Variants in HS3ST3A1 observed in about 807,000 individuals in gnomAD.
HS3ST3A1 encodes heparan sulfate-glucosamine 3-sulfotransferase 3A1, also known as heparan sulfate glucosamine 3-O-sulfotransferase 3A1.
HS3ST3A1 carries 19 observed loss-of-function variants against 25.7 expected under a neutral mutation model. The observed-to-expected ratio is 0.74, with a 90% confidence interval of 0.52 to 1.08. The LOEUF is 1.08. Among genes scored for constraint, HS3ST3A1 ranks in the 50% least tolerant of loss-of-function variants. The pLI, the probability that HS3ST3A1 is intolerant of heterozygous loss-of-function variation, is 0.00. For missense variants in HS3ST3A1, 459 were observed against 594.3 expected, an observed-to-expected ratio of 0.77 and a Z score of 2.37; for synonymous variants, 226 against 278.6, an observed-to-expected ratio of 0.81 and a Z score of 1.88.
rs148832143 is a variant in HS3ST3A1, at chr17:13,577,176, C to A, written c.599+23355G>T. Among the ~76,000 whole-genome samples, 47 of 152,262 alleles carry A rather than the reference C, an allele frequency of 3.1e-4. No homozygotes were observed. The East Asian group carries it at 8.5e-3, about 28-fold the overall frequency. On this transcript the variant is annotated intron_variant, in intron 1 of 1. Coordinates refer to ENST00000284110, the MANE Select transcript of HS3ST3A1 (RefSeq NM_006042.3). ...ACCCCCATGATTCAATTACCTTCCA[C>A]CAGGTCCCTTCCATGACACATGGAA... is the stretch of plus-strand genomic sequence containing the variant.
chr17:13,509,278 A>T (rs1384700714), intron 1 of HS3ST3A1, among the ~76,000 whole-genome samples: 2 of 152,226 alleles, frequency 1.3e-5, no homozygotes, highest in Non-Finnish European at 2.9e-5. Context: ...ACATTTTCAG[A>T]TATGCAATGG....
intron 1 of HS3ST3A1, among the ~76,000 whole-genome samples, chr17:13,508,411 C>A (rs1905756404): frequency 6.6e-6 from 1 of 152,186 alleles, no homozygotes; most frequent in South Asian, 2.1e-4. Context: ...AAGAGTCCTC[C>A]TGGAAGACAA....
At chr17:13,581,658 T>C (rs988916053) in intron 1 of HS3ST3A1, among the ~76,000 whole-genome samples, 2 of 152,166 alleles carry the variant, frequency 1.3e-5, no homozygotes, top group African/African-American at 4.8e-5. Flanking sequence ...ATAAATATTT[T>C]TACCATCCAA....
intron 1 of HS3ST3A1, among the ~76,000 whole-genome samples, chr17:13,561,785 C>T (rs968473690): frequency 3.9e-5 from 6 of 152,122 alleles, no homozygotes; most frequent in Admixed American, 3.9e-4. Context: ...GGACGCCACA[C>T]CCAACTGCAG....
chr17:13,496,169 A>ATTTT lies in HS3ST3A1; in HGVS notation c.*24_*27dup, dbSNP rs67951062. 127 of 1,451,776 alleles carry ATTTT rather than the reference A, an allele frequency of 8.7e-5. No homozygotes were observed. The highest frequency in any genetic ancestry group is 3.8e-4 in the Middle Eastern group (2 of 5,218). 89.9% of individuals were successfully genotyped at this position (1,451,776 alleles called of 1,614,324 possible). On this transcript the variant is annotated 3_prime_UTR_variant, in exon 2 of 2. Coordinates refer to ENST00000284110, the MANE Select transcript of HS3ST3A1 (RefSeq NM_006042.3). Reference sequence around the variant, plus strand: ...TGGTAAAAAAATATATTATATTTTGATTTTTTTTTTCTTTTTAAATTATAT... The same window carrying ATTTT: ...TGGTAAAAAAATATATTATATTTTGATTTTTTTTTTTTTTCTTTTTAAATTATAT...
chr17:13,590,169 T>A (rs1394834043), intron 1 of HS3ST3A1, among the ~76,000 whole-genome samples: 1 of 152,140 alleles, frequency 6.6e-6, no homozygotes, highest in African/African-American at 2.4e-5. Flanking sequence ...ACAAATTATT[T>A]CCAAGGACCC....
intron 1 of HS3ST3A1, among the ~76,000 whole-genome samples, chr17:13,553,584 A>G (rs556235929): frequency 6.6e-6 from 1 of 152,320 alleles, no homozygotes; most frequent in South Asian, 2.1e-4. Flanking sequence ...CAAATTCTGA[A>G]CAGCAGTTCA....
chr17:13,521,955 C>T (rs114307084), intron 1 of HS3ST3A1, among the ~76,000 whole-genome samples: 1 of 152,224 alleles, frequency 6.6e-6, no homozygotes, highest in African/African-American at 2.4e-5. Context: ...GTAGCAACCT[C>T]CCTTCCCTCC....
intron 1 of HS3ST3A1, among the ~76,000 whole-genome samples, chr17:13,504,315 T>TCAAACAAA (rs148353655): frequency 1.2e-3 from 177 of 151,592 alleles, no homozygotes; most frequent in African/African-American, 3.7e-3. Flanking sequence ...AGACTCCATC[T>TCAAACAAA]CAAACAAACA....
intron 1 of HS3ST3A1, among the ~76,000 whole-genome samples, chr17:13,549,988 A>G (rs1031418664): frequency 1.3e-5 from 2 of 152,154 alleles, no homozygotes; most frequent in African/African-American, 4.8e-5. Flanking sequence ...CCATGGTCAT[A>G]TAGATATTGG....
At chr17:13,566,696 A>C (rs1489419191) in intron 1 of HS3ST3A1, among the ~76,000 whole-genome samples, 5 of 152,332 alleles carry the variant, frequency 3.3e-5, no homozygotes, top group Admixed American at 6.5e-5. Context: ...ATCTGGACAG[A>C]AGATCAAACC....
intron 1 of HS3ST3A1, among the ~76,000 whole-genome samples, chr17:13,596,930 A>G (rs1372792203): frequency 6.6e-6 from 1 of 152,062 alleles, no homozygotes; most frequent in Admixed American, 6.5e-5. Context: ...AAACGGGGCC[A>G]TGATCGTTCG....
chr17:13,518,236 G>T (rs1299105749), intron 1 of HS3ST3A1, among the ~76,000 whole-genome samples: 1 of 152,094 alleles, frequency 6.6e-6, no homozygotes, highest in African/African-American at 2.4e-5. Context: ...CTCAAAACAG[G>T]AAATAACTTA....
intron 1 of HS3ST3A1, among the ~76,000 whole-genome samples, chr17:13,505,318 A>G (rs1353520793): frequency 2.6e-5 from 4 of 152,184 alleles, no homozygotes; most frequent in Non-Finnish European, 5.9e-5. Flanking sequence ...TGAAAGAACT[A>G]AATCCTGAAT....
chr17:13,586,677 C>T (rs1288854782), intron 1 of HS3ST3A1, among the ~76,000 whole-genome samples: 1 of 151,020 alleles, frequency 6.6e-6, no homozygotes, highest in African/African-American at 2.4e-5. Flanking sequence ...ACCATCCTGG[C>T]TAACACGGTG....
At chr17:13,523,503 A>T (rs968465631) in intron 1 of HS3ST3A1, among the ~76,000 whole-genome samples, 1 of 152,218 alleles carries the variant, frequency 6.6e-6, no homozygotes, top group Admixed American at 6.5e-5. Flanking sequence ...GTTGAATATC[A>T]AATGTTGCAA....
chr17:13,505,093 T>A (rs577479290), intron 1 of HS3ST3A1, among the ~76,000 whole-genome samples: 8 of 152,236 alleles, frequency 5.3e-5, no homozygotes, highest in Non-Finnish European at 1.2e-4. Flanking sequence ...GACTGAGCAG[T>A]ATGCTGACAT....
At chr17:13,512,959 T>C (rs142578977) in intron 1 of HS3ST3A1, among the ~76,000 whole-genome samples, 178 of 152,308 alleles carry the variant, frequency 1.2e-3, no homozygotes, top group Middle Eastern at 6.8e-3. Context: ...TCTGTTTTGT[T>C]GTTAGGAGGG....
chr17:13,522,621 C>A (rs985151071), intron 1 of HS3ST3A1, among the ~76,000 whole-genome samples: 3 of 152,070 alleles, frequency 2.0e-5, no homozygotes, highest in African/African-American at 7.2e-5. Flanking sequence ...AATTATTAAG[C>A]AATGTGTATT....
Sources: allele counts gnomAD v4.1 joint callset (sites outside exome capture counted in the v4.1 genomes callset), GRCh38; gene constraint gnomAD v4.1.1; transcripts MANE v1.5; gene names NCBI Gene and HGNC (gene_info 2026-07-23, HGNC 2026-07-21).